Variants in DLG2 observed in about 807,000 individuals in gnomAD.
DLG2 encodes the protein disks large homolog 2.
In DLG2, 45 loss-of-function variants were observed where a neutral mutation model predicts 132.5. The observed-to-expected ratio is 0.34, with a 90% CI of 0.27 to 0.44. DLG2 has a LOEUF of 0.44. Ranked by LOEUF, DLG2 falls within the 20% of genes least tolerant of loss-of-function variation. The probability of loss-of-function intolerance (pLI) is 1.00; values close to 1 mark genes in which losing one functional copy is unlikely to be tolerated. For synonymous variants in DLG2, 424 were observed against 419.6 expected, an observed-to-expected ratio of 1.01 and a Z score of -0.13; for missense variants, 1,045 against 1,196.9, an observed-to-expected ratio of 0.87 and a Z score of 1.87.
intron 19 of DLG2, among the ~76,000 whole-genome samples, chr11:83,565,871 C>T (rs1186708487): frequency 1.3e-5 from 2 of 152,280 alleles, no homozygotes; most frequent in South Asian, 2.1e-4. Context: ...AAAGCCAGGA[C>T]TGAATTTAGG....
intron 6 of DLG2, among the ~76,000 whole-genome samples, chr11:84,561,380 C>T (rs1360945807): frequency 1.3e-5 from 2 of 152,028 alleles, no homozygotes; most frequent in Non-Finnish European, 2.9e-5. Context: ...TTAAATGTTA[C>T]CTCTCTTTTA....
At chr11:84,640,603 G>T (rs1437838014) in intron 6 of DLG2, 2 of 255,950 alleles carry the variant, frequency 7.8e-6, no homozygotes, top group East Asian at 1.2e-4. Context: ...CAAGATGCTG[G>T]ATGATTCCTA....
chr11:85,560,936 G>A (rs1223628232), intron 3 of DLG2, among the ~76,000 whole-genome samples: 2 of 151,602 alleles, frequency 1.3e-5, no homozygotes, highest in South Asian at 2.1e-4. Flanking sequence ...GGGAGTTGAG[G>A]TGGGAGGATT....
intron 7 of DLG2, among the ~76,000 whole-genome samples, chr11:84,459,660 T>C (rs1034901973): frequency 1.3e-5 from 2 of 150,758 alleles, no homozygotes; most frequent in African/African-American, 4.8e-5. Flanking sequence ...TTTATTCATC[T>C]ATATCCTGCA....
intron 6 of DLG2, among the ~76,000 whole-genome samples, chr11:85,003,290 T>G (rs1386361643): frequency 6.6e-6 from 1 of 152,160 alleles, no homozygotes; most frequent in Non-Finnish European, 1.5e-5. Context: ...AATTGAATTG[T>G]TATATGGCAC....
chr11:83,783,687 C>T (rs1248790485), intron 18 of DLG2, among the ~76,000 whole-genome samples: 1 of 152,118 alleles, frequency 6.6e-6, no homozygotes, highest in Non-Finnish European at 1.5e-5. Context: ...TGTCTGCATG[C>T]ATGGAACTCA....
At chr11:85,459,460 C>T (rs2092532679) in intron 3 of DLG2, among the ~76,000 whole-genome samples, 1 of 152,140 alleles carries the variant, frequency 6.6e-6, no homozygotes, top group Non-Finnish European at 1.5e-5. Context: ...AGAACCATTG[C>T]TGTGGCAGTG....
intron 3 of DLG2, among the ~76,000 whole-genome samples, chr11:85,402,819 G>A (rs1402098059): frequency 2.0e-5 from 3 of 151,980 alleles, no homozygotes; most frequent in East Asian, 1.9e-4. Context: ...TTAGAATGTC[G>A]ATCATTAAAA....
chr11:85,098,772 G>A (rs184228537), intron 6 of DLG2, among the ~76,000 whole-genome samples: 2 of 152,206 alleles, frequency 1.3e-5, no homozygotes, highest in East Asian at 3.9e-4. Flanking sequence ...TAGGTTGATA[G>A]GTTTAGCCAA....
At chr11:83,574,178 A>G (rs2096840277) in intron 19 of DLG2, among the ~76,000 whole-genome samples, 1 of 152,090 alleles carries the variant, frequency 6.6e-6, no homozygotes, top group South Asian at 2.1e-4. Context: ...GGAGTTGGAG[A>G]AAGGTGGAGG....
At chr11:84,342,757 A>T (rs1218810213) in intron 7 of DLG2, among the ~76,000 whole-genome samples, 1 of 152,198 alleles carries the variant, frequency 6.6e-6, no homozygotes, top group Admixed American at 6.5e-5. Flanking sequence ...CAGGGAAAAG[A>T]AAGAGTTTGG....
intron 7 of DLG2, among the ~76,000 whole-genome samples, chr11:84,322,090 T>G (rs2098407992): frequency 6.6e-6 from 1 of 152,222 alleles, no homozygotes; most frequent in African/African-American, 2.4e-5. Flanking sequence ...TCCTTTGAAC[T>G]CAGCACAAAG....
chr11:84,795,893 C>T (rs573231220), intron 6 of DLG2, among the ~76,000 whole-genome samples: 5 of 152,184 alleles, frequency 3.3e-5, no homozygotes, highest in African/African-American at 7.2e-5. Context: ...GAAGCCAGCA[C>T]GCACGCTGAC....
chr11:83,493,947 G>A (rs1400563133), intron 21 of DLG2, among the ~76,000 whole-genome samples: 1 of 152,078 alleles, frequency 6.6e-6, no homozygotes, highest in Non-Finnish European at 1.5e-5. Flanking sequence ...AGAATGTGAT[G>A]TTTTCCAGTG....
At chr11:83,847,418 C>G (rs1371121328) in intron 16 of DLG2, among the ~76,000 whole-genome samples, 1 of 152,160 alleles carries the variant, frequency 6.6e-6, no homozygotes, top group African/African-American at 2.4e-5. Context: ...AATTAATTAT[C>G]AAATGTTCAA....
chr11:83,951,666 AG>A (rs1188156617), intron 14 of DLG2, among the ~76,000 whole-genome samples: 1 of 152,106 alleles, frequency 6.6e-6, no homozygotes, highest in African/African-American at 2.4e-5. Flanking sequence ...AGGAAGTCTG[AG>A]TATCAGTGAA....
At chr11:84,879,173 C>G (rs1459833423) in intron 6 of DLG2, among the ~76,000 whole-genome samples, 4 of 152,084 alleles carry the variant, frequency 2.6e-5, no homozygotes, top group Non-Finnish European at 4.4e-5. Context: ...GAGTCTCTGT[C>G]AATCACTCTA....
intron 21 of DLG2, among the ~76,000 whole-genome samples, chr11:83,495,291 A>T (rs2094093080): frequency 6.6e-6 from 1 of 152,156 alleles, no homozygotes; most frequent in African/African-American, 2.4e-5. Flanking sequence ...ACATGCTATT[A>T]TCAGAAAAAC....
At chr11:84,613,228 G>A (rs968489582) in intron 6 of DLG2, among the ~76,000 whole-genome samples, 14 of 151,822 alleles carry the variant, frequency 9.2e-5, no homozygotes, top group Middle Eastern at 3.2e-3. Flanking sequence ...AGGAAATATC[G>A]GTATTTTATA....
Sources: gnomAD v4.1 joint callset for allele counts (sites outside exome capture counted in the v4.1 genomes callset) on GRCh38, gnomAD v4.1.1 for gene constraint, MANE v1.5 for transcripts, NCBI Gene and HGNC (gene_info 2026-07-23, HGNC 2026-07-21) for gene names.